The following ZNF331 variants were observed in gnomAD, a reference collection of about 807,000 sequenced individuals.
ZNF331 encodes zinc finger protein 331, also known as C2H2-like zinc finger protein rearranged in thyroid adenomas.
A neutral mutation model predicts 7.0 loss-of-function variants in ZNF331; 2 were observed. That is an observed-to-expected ratio of 0.29 (90% CI 0.12 to 0.90). ZNF331 has a LOEUF of 0.90. Ranked by LOEUF, ZNF331 falls within the 40% of genes least tolerant of loss-of-function variation. The probability of loss-of-function intolerance (pLI) is 0.58; values close to 1 mark genes in which losing one functional copy is unlikely to be tolerated. For synonymous variants in ZNF331, 196 were observed against 205.4 expected, an observed-to-expected ratio of 0.95 and a Z score of 0.39; for missense variants, 432 against 587.7, an observed-to-expected ratio of 0.74 and a Z score of 2.74.
At chr19:53,575,012 A>G (rs1460815742) in intron 5 of ZNF331, among the ~76,000 whole-genome samples, 1 of 144,732 alleles carries the variant, frequency 6.9e-6, no homozygotes, top group Non-Finnish European at 1.5e-5. Context: ...GTCTGGGCTC[A>G]CTGCAGCCTT....
rs1346177869 is a variant in ZNF331, at chr19:53,578,722, C to G, written c.*770C>G. On this transcript the variant is annotated 3_prime_UTR_variant, in exon 6 of 6. Coordinates refer to ENST00000449416, the MANE Select transcript of ZNF331 (RefSeq NM_001079906.2). ...CAAAGAATATAGGAAGGCCTCTAGA[C>G]TACATCCATTCCTTCCTCAACAGGA... The G allele has an allele frequency of 4.8e-6, 1 of 210,192 alleles. No individual in the cohort carries two copies. The highest frequency in any genetic ancestry group is 7.2e-5 in the East Asian group (1 of 13,946). The allele number at this position is 210,192 out of a possible 1,614,324, so 13.0% of individuals were successfully genotyped here. A position where few individuals can be genotyped will look rare whatever the true frequency, so the allele number is the denominator to read the frequency against.
At chr19:53,557,831 G>A (rs1454800738) in intron 3 of ZNF331, among the ~76,000 whole-genome samples, 2 of 152,178 alleles carry the variant, frequency 1.3e-5, no homozygotes, top group African/African-American at 4.8e-5. Flanking sequence ...GGGTGTGGTG[G>A]CGCATGCCTG....
intron 3 of ZNF331, among the ~76,000 whole-genome samples, chr19:53,565,398 T>C (rs1449896687): frequency 6.6e-6 from 1 of 152,228 alleles, no homozygotes; most frequent in Non-Finnish European, 1.5e-5. Flanking sequence ...TCTTGCTATG[T>C]TGCCCAGGCT....
chr19:53,564,754 C>G (rs1203836728), intron 3 of ZNF331, among the ~76,000 whole-genome samples: 2 of 152,082 alleles, frequency 1.3e-5, no homozygotes, highest in East Asian at 1.9e-4. Flanking sequence ...TAAACATTAT[C>G]TGCTGGAAAA....
chr19:53,578,140 G>A lies in ZNF331; in HGVS notation c.*188G>A. On this transcript the variant is annotated 3_prime_UTR_variant, in exon 6 of 6. Coordinates refer to ENST00000449416, the MANE Select transcript of ZNF331 (RefSeq NM_001079906.2). ...CTCGCTGTCCGGCTCCAGCCGGCCG[G>A]GGATGTGAGTCATCCCTTGGTCCAG... The A allele has an allele frequency of 1.3e-6, 1 of 750,542 alleles. No homozygotes were observed. The highest frequency in any genetic ancestry group is 2.1e-6 in the Non-Finnish European group (1 of 485,270). The allele number at this position is 750,542 out of a possible 1,614,324, so 46.5% of individuals were successfully genotyped here.
At chr19:53,544,341 G>A (rs12983786) in intron 2 of ZNF331, among the ~76,000 whole-genome samples, 4 of 150,778 alleles carry the variant, frequency 2.7e-5, no homozygotes, top group Admixed American at 6.6e-5. Flanking sequence ...GTCAGGAGAT[G>A]GAGACCATCC....
the ZNF331 span, among the ~76,000 whole-genome samples, chr19:53,505,206 A>G: frequency 1.3e-5 from 2 of 152,098 alleles, no homozygotes; most frequent in Admixed American, 6.5e-5. Flanking sequence ...ACACCGCACT[A>G]CAGCAGGTCT....
At chr19:53,535,530 A>G (rs1335885831), upstream of ZNF331, among the ~76,000 whole-genome samples, 2 of 152,222 alleles carry the variant, frequency 1.3e-5, no homozygotes, top group Non-Finnish European at 2.9e-5. Context: ...TAAATGAGGC[A>G]AAAACTCTCC....
At chr19:53,505,146 A>G in the ZNF331 span, among the ~76,000 whole-genome samples, 5 of 152,134 alleles carry the variant, frequency 3.3e-5, no homozygotes, top group Admixed American at 2.0e-4. Flanking sequence ...TGTGCTTGCC[A>G]GGAGGGAGCA....
At chr19:53,567,091 T>C (rs2090193924) in intron 3 of ZNF331, among the ~76,000 whole-genome samples, 2 of 152,172 alleles carry the variant, frequency 1.3e-5, no homozygotes, top group South Asian at 2.1e-4. Context: ...GTCTGAAATA[T>C]CTCTCATGTC....
At chr19:53,529,614 T>G (rs547408921) in intron 2 of ZNF331, among the ~76,000 whole-genome samples, 1 of 152,254 alleles carries the variant, frequency 6.6e-6, no homozygotes, top group East Asian at 1.9e-4. Flanking sequence ...GAGAAAAAAT[T>G]CCCTGAATAT....
the ZNF331 span, among the ~76,000 whole-genome samples, chr19:53,510,626 G>A: frequency 2.1e-4 from 32 of 151,904 alleles, no homozygotes; most frequent in Non-Finnish European, 3.7e-4. Flanking sequence ...CCCTCATTTC[G>A]TTCTTTTTCA....
chr19:53,517,299 C>A (rs2086925500), upstream of ZNF331, among the ~76,000 whole-genome samples: 1 of 152,166 alleles, frequency 6.6e-6, no homozygotes, highest in African/African-American at 2.4e-5. Flanking sequence ...TTTCATGGGG[C>A]ACTTTGCCAA....
At chr19:53,522,382 G>A (rs542602615) in intron 1 of ZNF331, among the ~76,000 whole-genome samples, 29 of 151,728 alleles carry the variant, frequency 1.9e-4, no homozygotes, top group Non-Finnish European at 3.8e-4. Context: ...GACCACAGGC[G>A]CACGCCACCA....
At chr19:53,572,358 G>A (rs1172721329) in intron 5 of ZNF331, among the ~76,000 whole-genome samples, 3 of 151,800 alleles carry the variant, frequency 2.0e-5, no homozygotes, top group Non-Finnish European at 4.4e-5. Context: ...GCTGTCTGTG[G>A]TGACCCTGCC....
chr19:53,555,489 C>G (rs941269347), intron 2 of ZNF331: 2 of 152,442 alleles, frequency 1.3e-5, no homozygotes, highest in East Asian at 3.9e-4. Flanking sequence ...CCTAACCAAG[C>G]GGTACCTGCC....
the ZNF331 span, among the ~76,000 whole-genome samples, chr19:53,506,981 A>G: frequency 1.3e-5 from 2 of 152,120 alleles, no homozygotes; most frequent in Non-Finnish European, 2.9e-5. Context: ...GGCAGGTGAG[A>G]GGAGTTGCTC....
At chr19:53,522,646 GGAA>G (rs1482383605) in exon 2 of ZNF331, 5 of 152,206 alleles carry the variant, frequency 3.3e-5, no homozygotes, top group Non-Finnish European at 5.9e-5. Context: ...TCCCGGAGGA[GGAA>G]GAAGAAGTGT....
the ZNF331 span, among the ~76,000 whole-genome samples, chr19:53,508,271 G>A: frequency 5.9e-5 from 9 of 152,292 alleles, no homozygotes; most frequent in South Asian, 2.1e-4. Context: ...GGCAGAATGA[G>A]TGCATTGGAC....
Sources: gnomAD v4.1 joint callset for allele counts (sites outside exome capture counted in the v4.1 genomes callset) on GRCh38, gnomAD v4.1.1 for gene constraint, MANE v1.5 for transcripts, NCBI Gene and HGNC (gene_info 2026-07-23, HGNC 2026-07-21) for gene names.